GRIK1: variants seen among roughly 807,000 people sequenced by gnomAD.
The protein encoded by GRIK1 is glutamate receptor ionotropic, kainate 1.
Under a neutral mutation model 105.7 loss-of-function variants are expected in GRIK1, and 69 were observed. The observed-to-expected ratio is 0.65, with a 90% CI of 0.54 to 0.80. The LOEUF (loss-of-function observed/expected upper bound fraction) is 0.80, where lower values mean the gene tolerates loss of function less well. Among genes scored for constraint, GRIK1 ranks in the 30% least tolerant of loss-of-function variants. The pLI, the probability that GRIK1 is intolerant of heterozygous loss-of-function variation, is 0.00. For synonymous variants in GRIK1, 438 were observed against 431.3 expected (o/e 1.02, Z -0.19); for missense variants, 1,109 against 1,167.3 (o/e 0.95, Z 0.73).
intron 4 of GRIK1, among the ~76,000 whole-genome samples, chr21:29,664,983 C>G (rs1302271163): frequency 6.6e-6 from 1 of 152,162 alleles, no homozygotes; most frequent in Non-Finnish European, 1.5e-5. Context: ...ATACTTTTAA[C>G]AGTTTCTTCT....
chr21:29,821,078 G>A (rs528302689), intron 1 of GRIK1, among the ~76,000 whole-genome samples: 3 of 150,792 alleles, frequency 2.0e-5, no homozygotes, highest in Non-Finnish European at 4.4e-5. Context: ...AAAAATCCAT[G>A]TATAACTGTT....
chr21:29,570,518 T>G (rs904968283), intron 14 of GRIK1, among the ~76,000 whole-genome samples: 2 of 151,556 alleles, frequency 1.3e-5, no homozygotes, highest in Non-Finnish European at 2.9e-5. Context: ...AAAAAAAAAT[T>G]CTCTTAAATA....
chr21:29,850,530 A>G (rs2068272707), intron 1 of GRIK1, among the ~76,000 whole-genome samples: 1 of 152,166 alleles, frequency 6.6e-6, no homozygotes, highest in African/African-American at 2.4e-5. Flanking sequence ...CCACCACCAC[A>G]ACAATGAACA....
At chr21:29,936,857 T>C (rs2071773237) in intron 1 of GRIK1, among the ~76,000 whole-genome samples, 1 of 152,176 alleles carries the variant, frequency 6.6e-6, no homozygotes, top group Admixed American at 6.5e-5. Flanking sequence ...AGCATTTGAG[T>C]GCCTTCTCTA....
chr21:29,935,452 A>G (rs776514926), intron 1 of GRIK1, among the ~76,000 whole-genome samples: 16 of 152,240 alleles, frequency 1.1e-4, no homozygotes, highest in Non-Finnish European at 2.1e-4. Context: ...TATTAAAATG[A>G]TGAAAAAACT....
chr21:29,618,780 T>C (rs371801848), intron 7 of GRIK1, among the ~76,000 whole-genome samples: 1 of 152,092 alleles, frequency 6.6e-6, no homozygotes, highest in East Asian at 1.9e-4. Context: ...AACCAAACAA[T>C]GTATGTTCTC....
intron 1 of GRIK1, among the ~76,000 whole-genome samples, chr21:29,797,909 C>G (rs1187897988): frequency 1.3e-5 from 2 of 152,206 alleles, no homozygotes; most frequent in Admixed American, 1.3e-4. Flanking sequence ...ATCCTACACT[C>G]TTCATGAAAT....
chr21:29,696,136 A>T (rs551941316), intron 1 of GRIK1, among the ~76,000 whole-genome samples: 3 of 152,188 alleles, frequency 2.0e-5, no homozygotes, highest in Non-Finnish European at 2.9e-5. Flanking sequence ...GAAAGCTAAG[A>T]TGGTTTATAG....
rs369138405 is a variant in GRIK1 at position 29,598,946 on chromosome 21, A to C, written c.1099-9T>G. ...AAGCCATCCCACCGGGCCTGTGGAC[A>C]AGAAGAAATGTGGCTGTTATTGTTA... On this transcript the variant is annotated splice_polypyrimidine_tract_variant and intron_variant, in intron 7 of 17. Transcript: ENST00000327783. The C allele has an allele frequency of 1.9e-5, 25 of 1,320,098 alleles. No individual in the cohort carries two copies. The highest frequency in any genetic ancestry group is 2.4e-5 in the Non-Finnish European group (22 of 931,614). The allele number at this position is 1,320,098 out of a possible 1,614,324, so 81.8% of individuals were successfully genotyped here.
chr21:29,553,600 T>G, intron 16 of GRIK1: 1 of 1,607,870 alleles, frequency 6.2e-7, no homozygotes, highest in Non-Finnish European at 8.5e-7. Context: ...CTCTCTCCTC[T>G]CGAATTAATT....
At chr21:29,696,388 A>G (rs1183965594) in intron 1 of GRIK1, among the ~76,000 whole-genome samples, 1 of 152,244 alleles carries the variant, frequency 6.6e-6, no homozygotes, top group African/African-American at 2.4e-5. Flanking sequence ...AAATGAACGT[A>G]AGGAAAAATG....
At chr21:29,586,275 A>C (rs951095665) in intron 12 of GRIK1, among the ~76,000 whole-genome samples, 2 of 152,232 alleles carry the variant, frequency 1.3e-5, no homozygotes, top group African/African-American at 4.8e-5. Flanking sequence ...GAATGTATAA[A>C]TACCCACATG....
At chr21:29,646,538 G>C (rs1011394316) in intron 6 of GRIK1, among the ~76,000 whole-genome samples, 7 of 152,164 alleles carry the variant, frequency 4.6e-5, no homozygotes, top group Admixed American at 4.6e-4. Flanking sequence ...AGATGGTCTT[G>C]AGGACTCTGA....
intron 1 of GRIK1, among the ~76,000 whole-genome samples, chr21:29,757,694 A>C (rs1045641441): frequency 6.6e-6 from 1 of 152,234 alleles, no homozygotes; most frequent in African/African-American, 2.4e-5. Context: ...CAGAGGACTT[A>C]ACTTTAAGCA....
intron 7 of GRIK1, among the ~76,000 whole-genome samples, chr21:29,621,556 AT>A (rs1240724254): frequency 2.0e-5 from 3 of 152,226 alleles, no homozygotes; most frequent in African/African-American, 7.2e-5. Flanking sequence ...CCCTCTTGCT[AT>A]AAATTCCACA....
chr21:29,909,646 G>GA (rs961871188), intron 1 of GRIK1, among the ~76,000 whole-genome samples: 13 of 151,658 alleles, frequency 8.6e-5, no homozygotes, highest in African/African-American at 3.1e-4. Context: ...GTAATAATTA[G>GA]AAAAAAAATA....
intron 7 of GRIK1, among the ~76,000 whole-genome samples, chr21:29,626,405 A>G (rs2062131238): frequency 6.6e-6 from 1 of 152,174 alleles, no homozygotes; most frequent in Non-Finnish European, 1.5e-5. Flanking sequence ...TGGGGGACAC[A>G]TTCAAATCGT....
At chr21:29,560,350 TC>T (rs1568813224) in intron 15 of GRIK1, among the ~76,000 whole-genome samples, 114 of 105,914 alleles carry the variant, frequency 1.1e-3, no homozygotes, top group Admixed American at 3.9e-3. Context: ...TTTCTTTCTT[TC>T]TTTCTTTTTC....
At chr21:29,828,858 T>C (rs1187072410) in intron 1 of GRIK1, among the ~76,000 whole-genome samples, 1 of 152,182 alleles carries the variant, frequency 6.6e-6, no homozygotes, top group East Asian at 1.9e-4. Flanking sequence ...TAGCCCCATT[T>C]ACAGATGAGG....
Sources: gnomAD v4.1 joint callset for allele counts (sites outside exome capture counted in the v4.1 genomes callset) on GRCh38, gnomAD v4.1.1 for gene constraint, MANE v1.5 for transcripts, NCBI Gene and HGNC (gene_info 2026-07-23, HGNC 2026-07-21) for gene names.